Variants in C8orf74 observed in about 807,000 individuals in gnomAD.
The protein encoded by C8orf74 is chromosome 8 open reading frame 74.
In C8orf74, 29 loss-of-function variants were observed where a neutral mutation model predicts 22.2. The observed-to-expected ratio is 1.31, with a 90% CI of 0.97 to 1.78. The LOEUF (loss-of-function observed/expected upper bound fraction) is 1.78, where lower values mean the gene tolerates loss of function less well. Among genes scored for constraint, C8orf74 ranks in the 40% most tolerant of loss-of-function variants. The pLI, the probability that C8orf74 is intolerant of heterozygous loss-of-function variation, is 0.00. For synonymous variants in C8orf74, 255 were observed against 163.1 expected, an observed-to-expected ratio of 1.56 and a Z score of -4.30; for missense variants, 515 against 369.9, an observed-to-expected ratio of 1.39 and a Z score of -3.22.
At chr8:10,672,998 G>A (rs546154820) in intron 1 of C8orf74, among the ~76,000 whole-genome samples, 2 of 152,294 alleles carry the variant, frequency 1.3e-5, no homozygotes, top group South Asian at 4.1e-4. Flanking sequence ...GACCCTGAGG[G>A]TCCTGCGAGC....
intron 2 of C8orf74, among the ~76,000 whole-genome samples, chr8:10,678,481 G>A (rs550059321): frequency 1.8e-4 from 28 of 152,208 alleles, no homozygotes; most frequent in African/African-American, 6.3e-4. Context: ...TAGCAAGGAC[G>A]AGGCCCAGTA....
At chr8:10,680,415 A>G (rs1475091701) in intron 2 of C8orf74, among the ~76,000 whole-genome samples, 1 of 152,236 alleles carries the variant, frequency 6.6e-6, no homozygotes, top group Non-Finnish European at 1.5e-5. Flanking sequence ...TGCTTAATCA[A>G]TGTTCGCTAC....
At chr8:10,693,198 G>C (rs562906799) in intron 2 of C8orf74, among the ~76,000 whole-genome samples, 2 of 152,240 alleles carry the variant, frequency 1.3e-5, no homozygotes, top group East Asian at 3.9e-4. Flanking sequence ...TCCCTCAGTG[G>C]GCCATGCCTG....
chr8:10,686,990 C>T (rs1468310034), intron 2 of C8orf74: 1 of 418,934 alleles, frequency 2.4e-6, no homozygotes, highest in African/African-American at 2.1e-5. Flanking sequence ...AGTAGAATCA[C>T]CAGGCAACCG....
At chr8:10,678,643 G>T (rs1037791361) in intron 2 of C8orf74, among the ~76,000 whole-genome samples, 1 of 151,212 alleles carries the variant, frequency 6.6e-6, no homozygotes. Flanking sequence ...GAAGTCAGGA[G>T]CAAGATGGGA....
chr8:10,695,848 C>G (rs1283092245), intron 2 of C8orf74, among the ~76,000 whole-genome samples: 2 of 152,168 alleles, frequency 1.3e-5, no homozygotes, highest in African/African-American at 4.8e-5. Context: ...GGCTCCTTGC[C>G]TACAGCATGT....
At chr8:10,678,883 G>A (rs1487834181) in intron 2 of C8orf74, among the ~76,000 whole-genome samples, 1 of 152,212 alleles carries the variant, frequency 6.6e-6, no homozygotes, top group Non-Finnish European at 1.5e-5. Flanking sequence ...GCTGGCCCAG[G>A]TGGCGTCCTA....
chr8:10,695,241 G>C (rs574767850), intron 2 of C8orf74, among the ~76,000 whole-genome samples: 11 of 152,266 alleles, frequency 7.2e-5, no homozygotes, highest in African/African-American at 2.6e-4. Context: ...TGTGAAGTCA[G>C]TATCACTATT....
chr8:10,678,090 G>A (rs757965627), intron 2 of C8orf74, among the ~76,000 whole-genome samples: 6 of 152,134 alleles, frequency 3.9e-5, no homozygotes, highest in Non-Finnish European at 7.4e-5. Flanking sequence ...ACATGGACTC[G>A]AAACAAGCTC....
intron 2 of C8orf74, chr8:10,689,540 T>C (rs547413482): frequency 2.6e-5 from 4 of 152,364 alleles, no homozygotes; most frequent in African/African-American, 7.2e-5. Flanking sequence ...TTCATTTTGA[T>C]ATACAGGTGA....
At chr8:10,680,414 A>G (rs1160275529) in intron 2 of C8orf74, among the ~76,000 whole-genome samples, 1 of 152,204 alleles carries the variant, frequency 6.6e-6, no homozygotes, top group Non-Finnish European at 1.5e-5. Context: ...GTGCTTAATC[A>G]ATGTTCGCTA....
chr8:10,677,579 C>CT (rs1456046422), intron 2 of C8orf74, among the ~76,000 whole-genome samples: 2 of 152,146 alleles, frequency 1.3e-5, no homozygotes, highest in Admixed American at 6.5e-5. Context: ...CACACCACCT[C>CT]TTTTTTTATT....
At chr8:10,698,971 A>G (rs1005360031) in intron 3 of C8orf74, among the ~76,000 whole-genome samples, 1 of 151,878 alleles carries the variant, frequency 6.6e-6, no homozygotes, top group Non-Finnish European at 1.5e-5. Flanking sequence ...AGCAATGAGC[A>G]TAGCAGCCTG....
At chr8:10,697,471 T>C (rs1352678208) in intron 2 of C8orf74, 128 bp from the exon 3 acceptor site, 2 of 738,062 alleles carry the variant, frequency 2.7e-6, no homozygotes, top group Non-Finnish European at 4.4e-6. Flanking sequence ...TAGAAATAAA[T>C]ATTTTTTAAA....
chr8:10,677,270 G>T (rs1295043754), intron 2 of C8orf74, among the ~76,000 whole-genome samples: 1 of 152,088 alleles, frequency 6.6e-6, no homozygotes, highest in Non-Finnish European at 1.5e-5. Context: ...CTCCAAATCT[G>T]TCTTCCAGAT....
At chr8:10,692,940 A>T (rs1799413844) in intron 2 of C8orf74, 1 of 152,224 alleles carries the variant, frequency 6.6e-6, no homozygotes, top group African/African-American at 2.4e-5. Context: ...ACCAAGAACA[A>T]ATCACACAAG....
chr8:10,697,582 G>T lies in C8orf74; in HGVS notation c.242-17G>T, dbSNP rs541648529. Reference sequence around the variant, plus strand: ...TCTGTCCCACTCCCACTCTGTTCTTGGCCCCTGTGCCTACAGGCTGCTCCA... The same window carrying T: ...TCTGTCCCACTCCCACTCTGTTCTTTGCCCCTGTGCCTACAGGCTGCTCCA... On this transcript the variant is annotated splice_polypyrimidine_tract_variant and intron_variant, in intron 2 of 3. Coordinates refer to ENST00000304519, the MANE Select transcript of C8orf74 (RefSeq NM_001040032.2). The T allele has an allele frequency of 5.0e-6, 8 of 1,606,716 alleles. No individual in the cohort carries two copies. Among genetic ancestry groups the T allele is most frequent in the Admixed American group, 1.7e-5 (1 of 59,748 alleles).
chr8:10,696,929 G>A (rs1022775295), intron 2 of C8orf74, among the ~76,000 whole-genome samples: 2 of 150,878 alleles, frequency 1.3e-5, no homozygotes, highest in Non-Finnish European at 2.9e-5. Flanking sequence ...GGAGGCCACG[G>A]TGGGAGGATA....
chr8:10,695,825 C>T (rs931939568), intron 2 of C8orf74, among the ~76,000 whole-genome samples: 7 of 152,128 alleles, frequency 4.6e-5, no homozygotes, highest in Admixed American at 6.5e-5. Flanking sequence ...TCCCCTACTT[C>T]GGGGAAAAGC....
Sources: gnomAD v4.1 joint callset for allele counts (sites outside exome capture counted in the v4.1 genomes callset) on GRCh38, gnomAD v4.1.1 for gene constraint, MANE v1.5 for transcripts, NCBI Gene and HGNC (gene_info 2026-07-23, HGNC 2026-07-21) for gene names.